The following CEP112 variants were observed in gnomAD, a reference collection of about 807,000 sequenced individuals.
The protein encoded by CEP112 is centrosomal protein of 112 kDa.
A neutral mutation model predicts 153.0 loss-of-function variants in CEP112; 127 were observed. The ratio of observed to expected loss-of-function variants is 0.83; its 90% CI spans 0.72 to 0.96. CEP112 has a LOEUF of 0.96. Ranked by LOEUF, CEP112 falls within the 40% of genes least tolerant of loss-of-function variation. CEP112 has a pLI of 0.00. For missense variants in CEP112, 1,089 were observed against 1,101.2 expected, an observed-to-expected ratio of 0.99 and a Z score of 0.16; for synonymous variants, 358 against 374.4, an observed-to-expected ratio of 0.96 and a Z score of 0.51.
At chr17:65,690,113 CAAAAAAAAAAA>C (rs67399289) in intron 23 of CEP112, among the ~76,000 whole-genome samples, 110 of 62,586 alleles carry the variant, frequency 1.8e-3, no homozygotes, top group African/African-American at 2.8e-3. Context: ...GAAAACAGAC[CAAAAAAAAAAA>C]AAAAAAAAAA....
At chr17:66,147,887 A>C (rs139217520) in intron 4 of CEP112, among the ~76,000 whole-genome samples, 92 of 152,304 alleles carry the variant, frequency 6.0e-4, no homozygotes, top group African/African-American at 2.1e-3. Flanking sequence ...TACCAGTACC[A>C]CACTGTTTTG....
intron 23 of CEP112, among the ~76,000 whole-genome samples, chr17:65,705,931 G>A (rs1409202264): frequency 6.6e-6 from 1 of 152,112 alleles, no homozygotes; most frequent in African/African-American, 2.4e-5. Flanking sequence ...CATGGTTTCT[G>A]AGAGGCATTC....
At chr17:66,032,111 C>T (rs1188704869) in intron 12 of CEP112, among the ~76,000 whole-genome samples, 4 of 152,092 alleles carry the variant, frequency 2.6e-5, no homozygotes, top group Non-Finnish European at 5.9e-5. Context: ...AAGCAATTCT[C>T]CTGCCTCAGC....
intron 23 of CEP112, among the ~76,000 whole-genome samples, chr17:65,726,343 A>AC (rs1454288885): frequency 6.6e-6 from 1 of 151,880 alleles, no homozygotes; most frequent in Non-Finnish European, 1.5e-5. Flanking sequence ...CATCTCAAAA[A>AC]AAAAATTATT....
chr17:66,156,648 G>A (rs181480354), intron 4 of CEP112, among the ~76,000 whole-genome samples: 65 of 152,158 alleles, frequency 4.3e-4, no homozygotes, highest in African/African-American at 1.5e-3. Flanking sequence ...AAGGTTAGAG[G>A]AATTGCTGAC....
intron 5 of CEP112, among the ~76,000 whole-genome samples, chr17:66,131,994 C>T (rs1368477592): frequency 6.6e-6 from 1 of 150,756 alleles, no homozygotes; most frequent in Non-Finnish European, 1.5e-5. Flanking sequence ...CATGGTGAAA[C>T]CCTGTCTCTA....
intron 17 of CEP112, among the ~76,000 whole-genome samples, chr17:65,963,674 G>T (rs1599163040): frequency 2.0e-5 from 3 of 147,542 alleles, no homozygotes; most frequent in South Asian, 2.2e-4. Context: ...TATAGATAGG[G>T]GTGTGTGTGT....
chr17:65,803,166 T>C (rs1268878485), intron 21 of CEP112, among the ~76,000 whole-genome samples: 5 of 152,324 alleles, frequency 3.3e-5, no homozygotes, highest in Non-Finnish European at 7.3e-5. Flanking sequence ...TCTCTCCAAG[T>C]ACCAGGAGCG....
chr17:66,188,955 C>T (rs1396798295), intron 1 of CEP112, among the ~76,000 whole-genome samples: 1 of 152,122 alleles, frequency 6.6e-6, no homozygotes, highest in Non-Finnish European at 1.5e-5. Flanking sequence ...CAAACATTTG[C>T]CTGAGAACAT....
At chr17:66,163,735 ATTGT>A (rs1284802092) in intron 4 of CEP112, among the ~76,000 whole-genome samples, 6 of 152,258 alleles carry the variant, frequency 3.9e-5, no homozygotes, top group African/African-American at 1.2e-4. Context: ...CATTTAAATC[ATTGT>A]TTATTAATAT....
chr17:65,893,954 T>C (rs1467568925), intron 20 of CEP112, among the ~76,000 whole-genome samples: 2 of 152,104 alleles, frequency 1.3e-5, no homozygotes, highest in Admixed American at 1.3e-4. Context: ...TTCTTGCACT[T>C]TGGCTTCAAC....
intron 6 of CEP112, among the ~76,000 whole-genome samples, chr17:66,116,131 G>C (rs1015693980): frequency 6.6e-6 from 1 of 152,146 alleles, no homozygotes; most frequent in East Asian, 1.9e-4. Flanking sequence ...TAATGAAAAA[G>C]TATTTACCAA....
intron 23 of CEP112, among the ~76,000 whole-genome samples, chr17:65,721,307 G>A (rs1437364567): frequency 6.6e-6 from 1 of 152,158 alleles, no homozygotes; most frequent in Admixed American, 6.5e-5. Flanking sequence ...ACCGCGCCCA[G>A]GCTTTAAGTT....
intron 21 of CEP112, among the ~76,000 whole-genome samples, chr17:65,796,798 T>G (rs1263626403): frequency 1.4e-5 from 2 of 143,474 alleles, no homozygotes; most frequent in African/African-American, 5.2e-5. Flanking sequence ...TTTGGGAAGC[T>G]GAGGTGGGTG....
rs1158067570 is a variant in CEP112 at position 65,682,239 on chromosome 17, G to A, written c.2697+6890C>T. ...GAGCTCCTGATCTCGTAATCCACCC[G>A]CCCCGGCTTCCCAAAGTGTTGGGAT... is the stretch of plus-strand genomic sequence containing the variant. On this transcript the variant is annotated intron_variant, in intron 24 of 26. Transcript: ENST00000535342. Among the ~76,000 whole-genome samples, 4 of 152,048 alleles carry A rather than the reference G, an allele frequency of 2.6e-5. No individual in the cohort carries two copies. In the East Asian group the frequency reaches 5.8e-4, roughly 22 times the overall value.
chr17:65,736,333 G>A (rs2050803347), intron 23 of CEP112, among the ~76,000 whole-genome samples: 1 of 152,126 alleles, frequency 6.6e-6, no homozygotes, highest in Non-Finnish European at 1.5e-5. Flanking sequence ...GGCTGGGGCT[G>A]GGAGAAGAGC....
At chr17:66,142,164 T>C (rs757028339) in intron 4 of CEP112, among the ~76,000 whole-genome samples, 1 of 152,178 alleles carries the variant, frequency 6.6e-6, no homozygotes, top group Non-Finnish European at 1.5e-5. Flanking sequence ...TATGTCCACT[T>C]TGGAGAAACG....
intron 20 of CEP112, among the ~76,000 whole-genome samples, chr17:65,865,933 A>C (rs2058468456): frequency 6.6e-6 from 1 of 152,086 alleles, no homozygotes; most frequent in Admixed American, 6.5e-5. Flanking sequence ...GCTGCGCTCT[A>C]CACAGCCGGT....
intron 24 of CEP112, among the ~76,000 whole-genome samples, chr17:65,655,779 G>A (rs7359632): frequency 1.3e-5 from 2 of 152,122 alleles, no homozygotes; most frequent in African/African-American, 4.8e-5. Context: ...AAAAGATTGA[G>A]GTTGTGATGT....
Sources: allele counts gnomAD v4.1 joint callset (sites outside exome capture counted in the v4.1 genomes callset), GRCh38; gene constraint gnomAD v4.1.1; transcripts MANE v1.5; gene names NCBI Gene and HGNC (gene_info 2026-07-23, HGNC 2026-07-21).